Variants in OMA1 observed in about 807,000 individuals in gnomAD.
The protein encoded by OMA1 is metalloendopeptidase OMA1, mitochondrial.
OMA1 carries 38 observed loss-of-function variants against 30.9 expected under a neutral mutation model. The ratio of observed to expected loss-of-function variants is 1.23; its 90% CI spans 0.95 to 1.61. The LOEUF is 1.61. Among genes scored for constraint, OMA1 ranks in the 40% most tolerant of loss-of-function variants. The pLI is 0.00. For missense variants in OMA1, 461 were observed against 349.2 expected, an observed-to-expected ratio of 1.32 and a Z score of -2.55; for synonymous variants, 173 against 121.9, an observed-to-expected ratio of 1.42 and a Z score of -2.76.
At chr1:58,526,598 T>C (rs1050035607) in intron 7 of OMA1, among the ~76,000 whole-genome samples, 4 of 65,306 alleles carry the variant, frequency 6.1e-5, no homozygotes, top group Non-Finnish European at 1.3e-4. Context: ...TCTCTATGGC[T>C]AGCAAAAAAA....
intron 8 of OMA1, among the ~76,000 whole-genome samples, chr1:58,484,600 A>G (rs1645543557): frequency 6.6e-6 from 1 of 152,228 alleles, no homozygotes; most frequent in African/African-American, 2.4e-5. Context: ...ATGCCGGGCA[A>G]GGAACAAAAA....
intron 7 of OMA1, among the ~76,000 whole-genome samples, chr1:58,520,306 A>G (rs902005088): frequency 6.6e-6 from 1 of 152,226 alleles, no homozygotes. Flanking sequence ...CACTTGCAAG[A>G]CACATATCTG....
chr1:58,526,319 T>G (rs1223515505), intron 7 of OMA1, among the ~76,000 whole-genome samples: 1 of 152,094 alleles, frequency 6.6e-6, no homozygotes, highest in East Asian at 1.9e-4. Context: ...TTTATGAAAT[T>G]AAATCCATAA....
chr1:58,508,110 TAGAAAA>T (rs1211318057), intron 7 of OMA1, among the ~76,000 whole-genome samples: 4 of 151,964 alleles, frequency 2.6e-5, no homozygotes, highest in Non-Finnish European at 4.4e-5. Flanking sequence ...TATGCAGAAA[TAGAAAA>T]AGAAATTAAT....
intron 1 of OMA1, 124 bp from the exon 2 acceptor site, chr1:58,539,434 G>A: frequency 1.6e-6 from 1 of 609,174 alleles, no homozygotes; most frequent in Non-Finnish European, 2.8e-6. Context: ...AATTACCTTG[G>A]GTTTCAACTC....
At chr1:58,506,926 G>C (rs1157993860) in intron 7 of OMA1, among the ~76,000 whole-genome samples, 2 of 151,804 alleles carry the variant, frequency 1.3e-5, no homozygotes, top group Non-Finnish European at 2.9e-5. Context: ...AATATATGTA[G>C]ATCTTGTGTA....
chr1:58,488,524 T>C (rs1035564926), intron 8 of OMA1, among the ~76,000 whole-genome samples: 1 of 152,174 alleles, frequency 6.6e-6, no homozygotes, highest in Non-Finnish European at 1.5e-5. Flanking sequence ...CGATCTCAGA[T>C]CACTGCAACC....
chr1:58,490,104 C>T (rs187533684), intron 8 of OMA1, among the ~76,000 whole-genome samples: 69 of 152,278 alleles, frequency 4.5e-4, no homozygotes, highest in South Asian at 4.3e-3. Context: ...ATGACTTTGA[C>T]GAGTTGAGAG....
At chr1:58,504,959 T>TC (rs1491249863) in intron 8 of OMA1, among the ~76,000 whole-genome samples, 2 of 152,168 alleles carry the variant, frequency 1.3e-5, no homozygotes, top group African/African-American at 4.8e-5. Flanking sequence ...GAAAGATACT[T>TC]CTTTTTTTTT....
At chr1:58,527,459 C>T in intron 6 of OMA1, 124 bp from the exon 7 acceptor site, 1 of 606,636 alleles carries the variant, frequency 1.6e-6, no homozygotes, top group Non-Finnish European at 3.0e-6. Flanking sequence ...ATACTGTCTA[C>T]TAACATTAAA....
chr1:58,500,465 G>A (rs1645888828), intron 8 of OMA1, among the ~76,000 whole-genome samples: 1 of 152,132 alleles, frequency 6.6e-6, no homozygotes, highest in African/African-American at 2.4e-5. Flanking sequence ...AAACGTGTAA[G>A]AATGATTTAC....
Position 58,500,579 on chromosome 1 carries a change from G to C in OMA1, c.1365+5481C>G, listed in dbSNP as rs576809842. On this transcript the variant is annotated intron_variant, in intron 8 of 8. Transcript: ENST00000371226. ...TGATTCTGATATCTAAAAATTGAAT[G>C]AAGTGAATTTGATAAAGATTTTTTT... 6.6e-5 allele frequency among the ~76,000 whole-genome samples: 10 copies of C among 152,292 alleles called. No homozygotes were observed. The East Asian group carries it at 1.9e-3, about 29-fold the overall frequency.
intron 1 of OMA1, among the ~76,000 whole-genome samples, chr1:58,546,397 C>T (rs1230175993): frequency 6.6e-6 from 1 of 152,190 alleles, no homozygotes; most frequent in East Asian, 1.9e-4. Context: ...CACGAAAGTA[C>T]TGCCACGGGG....
chr1:58,497,138 A>C (rs1645816141), intron 8 of OMA1, among the ~76,000 whole-genome samples: 1 of 152,234 alleles, frequency 6.6e-6, no homozygotes, highest in Admixed American at 6.5e-5. Flanking sequence ...ACAAGTTAGA[A>C]ATACCACGAA....
intron 7 of OMA1, among the ~76,000 whole-genome samples, chr1:58,508,620 G>A (rs1363564510): frequency 1.3e-5 from 2 of 152,140 alleles, no homozygotes; most frequent in Non-Finnish European, 2.9e-5. Context: ...CTTGGCTTGT[G>A]TATCTAACAT....
intron 6 of OMA1, among the ~76,000 whole-genome samples, chr1:58,527,920 T>C (rs1232799627): frequency 2.0e-5 from 3 of 152,238 alleles, no homozygotes; most frequent in Admixed American, 2.0e-4. Flanking sequence ...ATTTTCCTAA[T>C]TACTTGTATT....
rs780953941 is a variant in OMA1 at position 58,536,629 on chromosome 1, G to A, written c.613C>T (p.Leu205Phe). The A allele has an allele frequency of 9.2e-6, 8 of 872,664 alleles. No homozygotes were observed. Among genetic ancestry groups the A allele is most frequent in the Admixed American group, 6.8e-5 (4 of 59,160 alleles). The allele number at this position is 872,664 out of a possible 1,614,324, so 54.1% of individuals were successfully genotyped here. ...TGAGTAAAATAAAACACCACAAAGA[G>A]CAATCCAAAACTACTCAAACCAAGG... Reference protein sequence around the residue: ...LFLGLSSFGLLFVVFYFTHLE... With the variant: ...LFLGLSSFGLFFVVFYFTHLE... The change falls in exon 3 of 9, where the codon CTC becomes TTC. Residue 205 changes from leucine (L) to phenylalanine (F), a missense_variant. Physicochemically the swap from Leu to Phe is conservative, Grantham distance 22. Coordinates refer to ENST00000371226, the MANE Select transcript of OMA1 (RefSeq NM_145243.5).
intron 8 of OMA1, among the ~76,000 whole-genome samples, chr1:58,499,554 G>A (rs1048334280): frequency 8.2e-5 from 12 of 145,774 alleles, no homozygotes; most frequent in Admixed American, 7.5e-4. Context: ...TTTCAGTCAG[G>A]AAAAGTAGCT....
At chr1:58,484,115 AG>A (rs1276649078) in intron 8 of OMA1, among the ~76,000 whole-genome samples, 1 of 152,234 alleles carries the variant, frequency 6.6e-6, no homozygotes, top group African/African-American at 2.4e-5. Flanking sequence ...ACAAATATTT[AG>A]AACACCACAG....
Sources: allele counts gnomAD v4.1 joint callset (sites outside exome capture counted in the v4.1 genomes callset), GRCh38; gene constraint gnomAD v4.1.1; transcripts MANE v1.5; gene names NCBI Gene and HGNC (gene_info 2026-07-23, HGNC 2026-07-21).